Variants in CDH8 observed in about 807,000 individuals in gnomAD.
CDH8 encodes cadherin 8.
A neutral mutation model predicts 68.1 loss-of-function variants in CDH8; 17 were observed. That is an observed-to-expected ratio of 0.25 (90% CI 0.17 to 0.37). CDH8 has a LOEUF of 0.37. Ranked by LOEUF, CDH8 falls within the 10% of genes least tolerant of loss-of-function variation. The pLI is 1.00. For missense variants in CDH8, 763 were observed against 999.3 expected, an observed-to-expected ratio of 0.76 and a Z score of 3.19; for synonymous variants, 372 against 365.1, an observed-to-expected ratio of 1.02 and a Z score of -0.21.
intron 3 of CDH8, among the ~76,000 whole-genome samples, chr16:61,887,947 T>C (rs1963706782): frequency 6.6e-6 from 1 of 152,156 alleles, no homozygotes; most frequent in African/African-American, 2.4e-5. Flanking sequence ...GTGGCTTCAT[T>C]CTCTATCAAT....
intron 3 of CDH8, among the ~76,000 whole-genome samples, chr16:61,880,603 T>C (rs1294768532): frequency 6.6e-6 from 1 of 152,152 alleles, no homozygotes; most frequent in Admixed American, 6.5e-5. Flanking sequence ...AGTTGAGAAG[T>C]AGAAGATGGC....
At chr16:62,030,343 C>T (rs1902295338) in intron 1 of CDH8, among the ~76,000 whole-genome samples, 1 of 152,038 alleles carries the variant, frequency 6.6e-6, no homozygotes, top group African/African-American at 2.4e-5. Context: ...GTGTTTTAAC[C>T]CTCTGATAAA....
intron 8 of CDH8, among the ~76,000 whole-genome samples, chr16:61,783,509 C>A (rs1234143544): frequency 2.0e-5 from 3 of 151,798 alleles, no homozygotes; most frequent in African/African-American, 4.8e-5. Context: ...TTGGAAAACA[C>A]TCTGCAGGAT....
At chr16:61,975,842 C>T (rs1965425049) in intron 2 of CDH8, among the ~76,000 whole-genome samples, 1 of 152,080 alleles carries the variant, frequency 6.6e-6, no homozygotes, top group Admixed American at 6.6e-5. Context: ...AGTGGAAGGA[C>T]AAAAACATCT....
At chr16:61,951,418 C>T (rs1324390502) in intron 2 of CDH8, among the ~76,000 whole-genome samples, 1 of 148,790 alleles carries the variant, frequency 6.7e-6, no homozygotes, top group Non-Finnish European at 1.5e-5. Flanking sequence ...GAGGCTGAGG[C>T]AGGAGAATGG....
intron 2 of CDH8, among the ~76,000 whole-genome samples, chr16:61,962,524 T>C (rs1965174493): frequency 6.6e-6 from 1 of 152,190 alleles, no homozygotes; most frequent in African/African-American, 2.4e-5. Context: ...AAGAGAGTTC[T>C]GAGCACATTT....
chr16:61,710,275 TA>T (rs1337670078), intron 10 of CDH8, among the ~76,000 whole-genome samples: 1 of 151,958 alleles, frequency 6.6e-6, no homozygotes, highest in Non-Finnish European at 1.5e-5. Flanking sequence ...TTCCAGAAGA[TA>T]AAAATAAATA....
At chr16:61,782,603 T>G (rs1159377399) in intron 8 of CDH8, among the ~76,000 whole-genome samples, 1 of 151,584 alleles carries the variant, frequency 6.6e-6, no homozygotes, top group East Asian at 1.9e-4. Flanking sequence ...CAAGGAGGCC[T>G]GCCTGCCTCT....
intron 8 of CDH8, among the ~76,000 whole-genome samples, chr16:61,730,172 C>G (rs1401798838): frequency 6.6e-6 from 1 of 151,432 alleles, no homozygotes; most frequent in Admixed American, 6.6e-5. Flanking sequence ...AGATGACCAA[C>G]AGGTGGCAAA....
chr16:61,832,732 A>G (rs1261768069), intron 4 of CDH8, among the ~76,000 whole-genome samples: 3 of 151,740 alleles, frequency 2.0e-5, no homozygotes, highest in Non-Finnish European at 4.4e-5. Flanking sequence ...GGTTAAGGTT[A>G]TAGATATCAA....
At chr16:61,906,548 C>A (rs1345665039) in intron 2 of CDH8, among the ~76,000 whole-genome samples, 1 of 152,188 alleles carries the variant, frequency 6.6e-6, no homozygotes, top group Admixed American at 6.5e-5. Context: ...CATCATCTTC[C>A]ATATATTTGC....
intron 10 of CDH8, among the ~76,000 whole-genome samples, chr16:61,677,159 G>T (rs1963928811): frequency 6.6e-6 from 1 of 151,188 alleles, no homozygotes; most frequent in Non-Finnish European, 1.5e-5. Context: ...TCCATTCCTC[G>T]ATTTTTCTCT....
At chr16:61,795,546 TA>T (rs1961476751) in intron 7 of CDH8, among the ~76,000 whole-genome samples, 2 of 152,118 alleles carry the variant, frequency 1.3e-5, no homozygotes, top group African/African-American at 4.8e-5. Flanking sequence ...AATGAGTTGA[TA>T]AATGATTCAC....
chr16:61,697,225 C>G (rs1370236587), intron 10 of CDH8, among the ~76,000 whole-genome samples: 1 of 152,174 alleles, frequency 6.6e-6, no homozygotes, highest in East Asian at 1.9e-4. Flanking sequence ...GGATTATTAT[C>G]TTGTCAATGG....
chr16:61,932,073 G>A (rs556732064), intron 2 of CDH8, among the ~76,000 whole-genome samples: 2 of 152,122 alleles, frequency 1.3e-5, no homozygotes, highest in South Asian at 2.1e-4. Context: ...CGGGCGTGGT[G>A]GTGGGCGCCT....
chr16:61,990,305 CTTTTTT>C (rs71134381), intron 2 of CDH8, among the ~76,000 whole-genome samples: 1 of 82,984 alleles, frequency 1.2e-5, no homozygotes, highest in African/African-American at 4.0e-5. Context: ...TGAAGAAGTC[CTTTTTT>C]TTTTTTTTTT....
chr16:61,789,510 C>T, intron 7 of CDH8, 28 bp from the exon 8 acceptor site: 1 of 1,607,418 alleles, frequency 6.2e-7, no homozygotes, highest in Non-Finnish European at 8.5e-7. Flanking sequence ...CTGTAATCTA[C>T]TTCAATGTTT....
At chr16:61,676,604 A>T (rs766107608) in intron 10 of CDH8, among the ~76,000 whole-genome samples, 23 of 152,040 alleles carry the variant, frequency 1.5e-4, no homozygotes, top group Non-Finnish European at 2.8e-4. Context: ...ATAGAAGGGG[A>T]TTTCCTCAAC....
chr16:61,955,098 G>A (rs1024343135), intron 2 of CDH8, among the ~76,000 whole-genome samples: 4 of 152,158 alleles, frequency 2.6e-5, no homozygotes, highest in African/African-American at 9.7e-5. Context: ...CCTAATAAAC[G>A]ACATGCTATC....
Sources: gnomAD v4.1 joint callset for allele counts (sites outside exome capture counted in the v4.1 genomes callset) on GRCh38, gnomAD v4.1.1 for gene constraint, MANE v1.5 for transcripts, NCBI Gene and HGNC (gene_info 2026-07-23, HGNC 2026-07-21) for gene names.